Variants in ZKSCAN7 observed in about 807,000 individuals in gnomAD.
The protein encoded by ZKSCAN7 is zinc finger protein with KRAB and SCAN domains 7.
ZKSCAN7 carries 38 observed loss-of-function variants against 65.3 expected under a neutral mutation model. That is an observed-to-expected ratio of 0.58 (90% CI 0.45 to 0.76). The LOEUF (loss-of-function observed/expected upper bound fraction) is 0.76, where lower values mean the gene tolerates loss of function less well. Among genes scored for constraint, ZKSCAN7 ranks in the 30% least tolerant of loss-of-function variants. ZKSCAN7 has a pLI of 0.00. For missense variants in ZKSCAN7, 815 were observed against 913.3 expected (o/e 0.89, Z 1.39); for synonymous variants, 321 against 321.0 (o/e 1.00, Z 0.00).
At chr3:44,577,841 G>A (rs1359110351) in intron 5 of ZKSCAN7, among the ~76,000 whole-genome samples, 3 of 152,218 alleles carry the variant, frequency 2.0e-5, no homozygotes, top group African/African-American at 7.2e-5. Context: ...GTAAAACAAA[G>A]GTACAGGTGA....
At chr3:44,580,218 G>A (rs1416105652) in intron 5 of ZKSCAN7, 26 of 1,611,820 alleles carry the variant, frequency 1.6e-5, no homozygotes, top group Non-Finnish European at 2.2e-5. Context: ...GTCGTGTTTG[G>A]TCTTCTCCAG....
Position 44,565,663 on chromosome 3 carries a change from T to A in ZKSCAN7, c.592+8T>A, listed in dbSNP as rs752554421. 1.3e-6 allele frequency: 2 copies of A among 1,583,490 alleles called. No individual in the cohort carries two copies. Among genetic ancestry groups the A allele is most frequent in the East Asian group, 4.6e-5 (2 of 43,750 alleles). On this transcript the variant is annotated splice_region_variant and intron_variant, in intron 3 of 5. Transcript: ENST00000426540. ...TCCCCAGTGGGGACTTCGGTACTTA[T>A]CTCCCCAGCTTTGGCCTTAAGTCAT...
intron 2 of ZKSCAN7, among the ~76,000 whole-genome samples, chr3:44,564,137 T>C (rs1699561912): frequency 6.6e-6 from 1 of 152,194 alleles, no homozygotes; most frequent in Non-Finnish European, 1.5e-5. Flanking sequence ...TTAGATAATA[T>C]TTTAGGTTTT....
chr3:44,558,782 A>ATTTTTTTT (rs35709621), intron 2 of ZKSCAN7, among the ~76,000 whole-genome samples: 3 of 92,704 alleles, frequency 3.2e-5, no homozygotes, highest in Admixed American at 1.3e-4. Context: ...TTTCTTCTTC[A>ATTTTTTTT]TTTTTTTTTT....
chr3:44,572,650 C>T (rs1699838999), downstream of ZKSCAN7, among the ~76,000 whole-genome samples: 1 of 151,418 alleles, frequency 6.6e-6, no homozygotes, highest in Non-Finnish European at 1.5e-5. Flanking sequence ...GAGGTGGAGA[C>T]CATCCTGGCT....
At chr3:44,559,893 C>T (rs1302362419) in intron 2 of ZKSCAN7, among the ~76,000 whole-genome samples, 2 of 152,130 alleles carry the variant, frequency 1.3e-5, no homozygotes, top group Non-Finnish European at 2.9e-5. Context: ...GTAAATCAAC[C>T]ATCACAAGGG....
At chr3:44,555,940 A>C (rs1428745763) in intron 1 of ZKSCAN7, among the ~76,000 whole-genome samples, 4 of 152,230 alleles carry the variant, frequency 2.6e-5, no homozygotes, top group African/African-American at 9.6e-5. Context: ...ACACGTGTAC[A>C]AAGATGACTG....
Position 44,570,260 on chromosome 3 carries a change from C to T in ZKSCAN7, c.1150C>T (p.Arg384Ter), listed in dbSNP as rs760156529. 2.6e-5 allele frequency: 42 copies of T among 1,614,078 alleles called. No individual in the cohort carries two copies. The highest frequency in any genetic ancestry group is 3.2e-5 in the Non-Finnish European group (38 of 1,180,050). Residue 384 changes from arginine (R) to a stop codon, truncating the protein, a stop_gained, in exon 6 of 6, where the codon CGA becomes TGA. Transcript: ENST00000426540. LOFTEE classifies it high-confidence loss of function. ...AGTTTTAAAGGGACAGAAATCCTAT[C>T]GATGTGATGAATGTGGCAAAGCTTT... ...EGVLKGQKSY[R>*]CDECGKAFNR...
rs112886704 is a variant in ZKSCAN7, at chr3:44,581,335, C to T, written c.812-1637C>T. 7.7e-4 allele frequency among the ~76,000 whole-genome samples: 116 copies of T among 151,326 alleles called. 1 individual carries two copies. In the Middle Eastern group the frequency reaches 0.01, roughly 13 times the overall value. ...AGCTCCGGTCGCCGCCGTCCCGGCTCGTCCGCGCCGCCACAGCTGCCCTCA... is the reference window on the plus strand; with the variant it reads ...AGCTCCGGTCGCCGCCGTCCCGGCTTGTCCGCGCCGCCACAGCTGCCCTCA... On this transcript the variant is annotated intron_variant, in intron 5 of 5. Coordinates refer to the ZKSCAN7 transcript ENST00000341840.
intron 5 of ZKSCAN7, chr3:44,580,788 C>T: frequency 5.6e-6 from 9 of 1,612,634 alleles, no homozygotes; most frequent in Non-Finnish European, 7.6e-6. Context: ...GCGCAAGAGG[C>T]CATGCTCGTA....
intron 2 of ZKSCAN7, 179 bp downstream of exon 2, chr3:44,557,649 C>T: frequency 1.3e-6 from 1 of 778,678 alleles, no homozygotes; most frequent in Non-Finnish European, 2.0e-6. Context: ...AGTGCACATC[C>T]CAGCTAAGCT....
rs1389915131 is a variant in ZKSCAN7 at position 44,580,955 on chromosome 3, G to A, written c.812-2017G>A. On this transcript the variant is annotated intron_variant, in intron 5 of 5. Coordinates refer to the ZKSCAN7 transcript ENST00000341840. ...GATGCGACTCGCGGGGCTGGAAGCA[G>A]TTCTGACACTTGCTCTTGTTGAAGA... is the stretch of plus-strand genomic sequence containing the variant. 5.0e-6 allele frequency: 8 copies of A among 1,612,268 alleles called. No homozygotes were observed. In the Admixed American group the frequency reaches 5.0e-5, roughly 10 times the overall value.
chr3:44,577,505 A>G (rs1394185112), intron 5 of ZKSCAN7, among the ~76,000 whole-genome samples: 4 of 152,134 alleles, frequency 2.6e-5, no homozygotes, highest in African/African-American at 9.7e-5. Flanking sequence ...GAGTGTCCGC[A>G]TGGCTTTTTC....
chr3:44,555,746 CCTT>C (rs1383045285), intron 1 of ZKSCAN7, among the ~76,000 whole-genome samples: 3 of 152,172 alleles, frequency 2.0e-5, no homozygotes, highest in South Asian at 2.1e-4. Flanking sequence ...ATTTTAAAGT[CCTT>C]CTTTGTCTTT....
downstream of ZKSCAN7, among the ~76,000 whole-genome samples, chr3:44,572,867 A>G (rs1332981134): frequency 1.3e-5 from 2 of 149,922 alleles, no homozygotes; most frequent in Non-Finnish European, 3.0e-5. Context: ...AAAAAAAAAA[A>G]AAAGAACTGT....
In ZKSCAN7 at chr3:44,556,728, A is replaced by G. The variant is rs139366159; in HGVS notation, c.-118-202A>G. 7.9e-4 allele frequency among the ~76,000 whole-genome samples: 120 copies of G among 152,296 alleles called. 1 individual carries two copies. The highest frequency in any genetic ancestry group is 2.8e-3 in the African/African-American group (116 of 41,576). ...CCAGGTTGTGAAGGGCTGTGAATGC[A>G]AGGCATAGACATTTAGATTTTATCC... On this transcript the variant is annotated intron_variant, in intron 1 of 5. Transcript: ENST00000426540.
intron 2 of ZKSCAN7, among the ~76,000 whole-genome samples, chr3:44,558,687 TCTTTCTTCTTTGTC>T (rs1699371225): frequency 6.6e-6 from 1 of 151,498 alleles, no homozygotes; most frequent in African/African-American, 2.4e-5. Flanking sequence ...TGGAATTTCT[TCTTTCTTCTTTGTC>T]CTTTCTTCTT....
At chr3:44,582,559 A>C (rs971972283) in intron 5 of ZKSCAN7, among the ~76,000 whole-genome samples, 2 of 152,180 alleles carry the variant, frequency 1.3e-5, no homozygotes, top group Non-Finnish European at 2.9e-5. Flanking sequence ...GTATTTAGGC[A>C]ATTATGACAC....
At position 44,580,260 on chromosome 3, in the gene ZKSCAN7, C is replaced by T. The variant is rs566083478; in HGVS notation, c.812-2712C>T. The stretch of plus-strand genomic sequence containing the variant: ...GTAGCTGCTCTCCCCCCGGACTTTG[C>T]GGCCACAGTCCATGCGGTCGCTACT... On this transcript the variant is annotated intron_variant, in intron 5 of 5. Transcript: ENST00000341840. The T allele has an allele frequency of 2.4e-4, 380 of 1,613,616 alleles. 1 individual carries two copies. In the South Asian group the frequency reaches 3.1e-3, roughly 13 times the overall value.
Sources: gnomAD v4.1 joint callset for allele counts (sites outside exome capture counted in the v4.1 genomes callset) on GRCh38, gnomAD v4.1.1 for gene constraint, MANE v1.5 for transcripts, NCBI Gene and HGNC (gene_info 2026-07-23, HGNC 2026-07-21) for gene names.